Variants in MYO9B observed in about 807,000 individuals in gnomAD.
MYO9B encodes the protein myosin IXB.
MYO9B carries 71 observed loss-of-function variants against 229.5 expected under a neutral mutation model. The observed-to-expected ratio is 0.31, with a 90% CI of 0.26 to 0.38. The LOEUF is 0.38. MYO9B is among the 10% of genes least tolerant of loss of function. The probability of loss-of-function intolerance (pLI) is 1.00; values close to 1 mark genes in which losing one functional copy is unlikely to be tolerated. For synonymous variants in MYO9B, 1,185 were observed against 1,235.8 expected, an observed-to-expected ratio of 0.96 and a Z score of 0.86; for missense variants, 2,255 against 2,920.5, an observed-to-expected ratio of 0.77 and a Z score of 5.25.
chr19:17,198,728 CCGTCT>C (rs2073074323), intron 24 of MYO9B, among the ~76,000 whole-genome samples: 1 of 139,844 alleles, frequency 7.2e-6, no homozygotes. Flanking sequence ...GAGGGAGACT[CCGTCT>C]CAAAAAAAAA....
intron 1 of MYO9B, among the ~76,000 whole-genome samples, chr19:17,098,964 G>T (rs1164438956): frequency 8.6e-6 from 1 of 116,904 alleles, no homozygotes; most frequent in African/African-American, 3.3e-5. Context: ...GAAACTGGGC[G>T]ACCCTCTCTC....
intron 2 of MYO9B, among the ~76,000 whole-genome samples, chr19:17,121,463 A>ATATATATATATCTCTC (rs1030275525): frequency 6.7e-6 from 1 of 149,904 alleles, no homozygotes; most frequent in African/African-American, 2.5e-5. Flanking sequence ...ATATATATAT[A>ATATATATATATCTCTC]TCCAAGAGCT....
At chr19:17,088,468 A>G (rs1049614412) in intron 1 of MYO9B, among the ~76,000 whole-genome samples, 1 of 152,112 alleles carries the variant, frequency 6.6e-6, no homozygotes, top group Non-Finnish European at 1.5e-5. Context: ...TGCCCTGCGG[A>G]CGCTGTTTCT....
intron 3 of MYO9B, among the ~76,000 whole-genome samples, chr19:17,147,612 G>A (rs2145246329): frequency 6.7e-6 from 1 of 149,850 alleles, no homozygotes; most frequent in Admixed American, 6.7e-5. Context: ...GGGCGTGGTG[G>A]TGCATGCCTG....
intron 2 of MYO9B, among the ~76,000 whole-genome samples, chr19:17,121,330 G>C (rs1189485683): frequency 3.9e-5 from 6 of 152,152 alleles, no homozygotes; most frequent in Non-Finnish European, 4.4e-5. Flanking sequence ...ACACAGCAGT[G>C]GTCCCACACT....
intron 9 of MYO9B, 52 bp from the exon 10 acceptor site, chr19:17,162,936 G>A: frequency 1.9e-6 from 3 of 1,575,560 alleles, no homozygotes; most frequent in Non-Finnish European, 2.6e-6. Context: ...ATGAAGGCTG[G>A]CTCCCTCGGG....
At chr19:17,085,870 G>C (rs948377881) in intron 1 of MYO9B, among the ~76,000 whole-genome samples, 3 of 152,066 alleles carry the variant, frequency 2.0e-5, no homozygotes, top group African/African-American at 7.2e-5. Flanking sequence ...CAGGATACAA[G>C]GGTTTTTCCT....
rs140684167 is a variant in MYO9B, at chr19:17,123,334, T to C, written c.840+20777T>C. Among the ~76,000 whole-genome samples, 50 of 152,238 alleles carry C rather than the reference T, an allele frequency of 3.3e-4. No individual in the cohort carries two copies. In the East Asian group the frequency reaches 9.7e-3, roughly 29 times the overall value. Reference sequence around the variant, plus strand: ...TACATGTGGCAAAGATTGGTTATGATGCCAAAAGCCTCACTTTGCAATAAA... The same window carrying C: ...TACATGTGGCAAAGATTGGTTATGACGCCAAAAGCCTCACTTTGCAATAAA... On this transcript the variant is annotated intron_variant, in intron 2 of 39. Transcript: ENST00000682292.
At chr19:17,079,381 G>A (rs2057514595) in intron 1 of MYO9B, among the ~76,000 whole-genome samples, 1 of 152,196 alleles carries the variant, frequency 6.6e-6, no homozygotes, top group South Asian at 2.1e-4. Context: ...GTGCCCGAGG[G>A]TGGACAGCGG....
chr19:17,094,099 A>C (rs1480957271), intron 1 of MYO9B, among the ~76,000 whole-genome samples: 1 of 132,274 alleles, frequency 7.6e-6, no homozygotes, highest in East Asian at 2.1e-4. Flanking sequence ...GCAATGGCGC[A>C]ATCTCGGCAC....
At chr19:17,137,550 C>T (rs759039197) in intron 2 of MYO9B, among the ~76,000 whole-genome samples, 1 of 152,160 alleles carries the variant, frequency 6.6e-6, no homozygotes, top group Non-Finnish European at 1.5e-5. Flanking sequence ...TATCACCTTC[C>T]TGCTTGGCTC....
At position 17,194,887 on chromosome 19, in the gene MYO9B, A is replaced by G. The variant is rs756252772; in HGVS notation, c.3460A>G (p.Arg1154Gly). ...GGAGAAGCGTGAGTCGCGTCGGCAA[A>G]GAGGGCTGGAGCACGTCAAGTTCCA... Reference protein sequence around the residue: ...SREKRESRRQRGLEHVKFQNK... With the variant: ...SREKRESRRQGGLEHVKFQNK... Residue 1154 changes from arginine (R) to glycine (G), a missense_variant, in exon 22 of 40, where the codon AGA (arginine) becomes GGA (glycine). Physicochemically the swap from Arg to Gly is moderately radical, Grantham distance 125. Coordinates refer to ENST00000682292, the MANE Select transcript of MYO9B (RefSeq NM_004145.4). The G allele has an allele frequency of 3.7e-5, 59 of 1,613,276 alleles. No homozygotes were observed. Among genetic ancestry groups the G allele is most frequent in the Non-Finnish European group, 5.0e-5 (59 of 1,179,892 alleles).
intron 1 of MYO9B, among the ~76,000 whole-genome samples, chr19:17,093,107 G>A (rs188987254): frequency 4.3e-4 from 66 of 152,196 alleles, no homozygotes; most frequent in African/African-American, 1.5e-3. Flanking sequence ...TGAGGTGGGC[G>A]GATCACCTGA....
Position 17,162,400 on chromosome 19 carries a change from C to A in MYO9B, c.1470C>A (p.Phe490Leu). Reference protein sequence around the residue: ...SMAKSLYSALFDWIVLRINHA... With the variant: ...SMAKSLYSALLDWIVLRINHA... Reference sequence around the variant, plus strand: ...CCAAGTCTCTGTACAGCGCCCTGTTCGACTGGATTGTGCTGCGGATCAACC... The same window carrying A: ...CCAAGTCTCTGTACAGCGCCCTGTTAGACTGGATTGTGCTGCGGATCAACC... The change falls in exon 9 of 40, where the codon TTC becomes TTA. Residue 490 changes from phenylalanine (F) to leucine (L), a missense_variant. Physicochemically the swap from Phe to Leu is conservative, Grantham distance 22 (BLOSUM62 0). This residue lies in a region of MYO9B where 220 missense variants were observed against 404.5 expected (regional missense o/e 0.54). Transcript: ENST00000682292. The A allele has an allele frequency of 6.3e-7, 1 of 1,589,264 alleles. No individual in the cohort carries two copies. Among genetic ancestry groups the A allele is most frequent in the Non-Finnish European group, 8.6e-7 (1 of 1,168,874 alleles).
chr19:17,138,687 G>C lies in MYO9B; in HGVS notation c.841-6710G>C, dbSNP rs187814715. 1.2e-4 allele frequency among the ~76,000 whole-genome samples: 18 copies of C among 152,318 alleles called. No homozygotes were observed. In the East Asian group the frequency reaches 2.5e-3, roughly 21 times the overall value. ...GTTCGGGCTACTGTCACAGAATATG[G>C]TTACGCATTGCTTAACTATGGGAGA... On this transcript the variant is annotated intron_variant, in intron 2 of 39. Transcript: ENST00000682292.
intron 1 of MYO9B, among the ~76,000 whole-genome samples, chr19:17,100,157 G>A (rs987421835): frequency 4.0e-5 from 6 of 148,806 alleles, no homozygotes; most frequent in Admixed American, 6.7e-5. Flanking sequence ...ACCACTACAC[G>A]ATATATGTGT....
intron 1 of MYO9B, among the ~76,000 whole-genome samples, chr19:17,077,720 T>C (rs2057499440): frequency 6.6e-6 from 1 of 152,184 alleles, no homozygotes; most frequent in Non-Finnish European, 1.5e-5. Flanking sequence ...CTCCAGTCCA[T>C]GTCCCCCAGC....
At chr19:17,148,471 C>A (rs2072440472) in intron 3 of MYO9B, among the ~76,000 whole-genome samples, 1 of 152,162 alleles carries the variant, frequency 6.6e-6, no homozygotes, top group Non-Finnish European at 1.5e-5. Context: ...CTTCTGGAGT[C>A]TCTAGGGAAA....
chr19:17,106,854 A>T (rs1189828523), intron 2 of MYO9B, among the ~76,000 whole-genome samples: 1 of 152,170 alleles, frequency 6.6e-6, no homozygotes, highest in Admixed American at 6.5e-5. Context: ...CCTGAGGTCA[A>T]GAGTTCGAGA....
Sources: gnomAD v4.1 joint callset for allele counts (sites outside exome capture counted in the v4.1 genomes callset) on GRCh38, gnomAD v4.1.1 for gene constraint, gnomAD v4.1.1 regional missense constraint, MANE v1.5 for transcripts, NCBI Gene and HGNC (gene_info 2026-07-23, HGNC 2026-07-21) for gene names.